Variants in TEKT5 observed in about 807,000 individuals in gnomAD.
TEKT5 encodes tektin 5.
A neutral mutation model predicts 48.7 loss-of-function variants in TEKT5; 52 were observed. The ratio of observed to expected loss-of-function variants is 1.07; its 90% CI spans 0.86 to 1.35. The LOEUF (loss-of-function observed/expected upper bound fraction) is 1.35, where lower values mean the gene tolerates loss of function less well. TEKT5 is among the 40% of genes most tolerant of loss of function. The probability of loss-of-function intolerance (pLI) is 0.00; values close to 1 mark genes in which losing one functional copy is unlikely to be tolerated. For missense variants in TEKT5, 831 were observed against 641.6 expected (o/e 1.30, Z -3.19); for synonymous variants, 318 against 267.6 (o/e 1.19, Z -1.84).
intron 5 of TEKT5, among the ~76,000 whole-genome samples, chr16:10,665,039 C>T (rs987203876): frequency 3.2e-4 from 48 of 152,164 alleles, no homozygotes; most frequent in Admixed American, 2.9e-3. Context: ...ATGAGCCCAG[C>T]ACTCTGCAAT....
intron 5 of TEKT5, among the ~76,000 whole-genome samples, chr16:10,645,139 T>TCC (rs1898051371): frequency 6.6e-6 from 1 of 152,100 alleles, no homozygotes; most frequent in Non-Finnish European, 1.5e-5. Context: ...TAGCCTATGG[T>TCC]GGTACTTGGT....
intron 5 of TEKT5, among the ~76,000 whole-genome samples, chr16:10,674,505 C>T (rs79225660): frequency 0.049 from 7,458 of 150,692 alleles, 257 homozygotes; most frequent in Middle Eastern, 0.096. Flanking sequence ...TGTGGTGGCA[C>T]GCACACGTAG....
In TEKT5 at chr16:10,645,297, C is replaced by T. The variant is rs552280067; in HGVS notation, c.1087-9379G>A. Among the ~76,000 whole-genome samples, 14 of 152,172 alleles carry T rather than the reference C, an allele frequency of 9.2e-5. No individual in the cohort carries two copies. The South Asian group carries it at 2.7e-3, about 29-fold the overall frequency. On this transcript the variant is annotated intron_variant, in intron 5 of 6. Transcript: ENST00000283025. The stretch of plus-strand genomic sequence containing the variant: ...GGCTGAGGTGGGAGGATTGCTTGAG[C>T]CCAGGAGTTCGAGACCAGCCTGGGC...
intron 5 of TEKT5, among the ~76,000 whole-genome samples, chr16:10,650,307 G>C (rs1275903425): frequency 6.6e-6 from 1 of 151,800 alleles, no homozygotes; most frequent in Non-Finnish European, 1.5e-5. Flanking sequence ...CACCATGTTG[G>C]CCAAGCAGGT....
At chr16:10,679,509 C>T (rs1298075695) in intron 4 of TEKT5, among the ~76,000 whole-genome samples, 1 of 151,530 alleles carries the variant, frequency 6.6e-6, no homozygotes, top group Non-Finnish European at 1.5e-5. Context: ...ATTGTTAATC[C>T]ATGGTAATGA....
chr16:10,628,456 G>A (rs973885599), intron 6 of TEKT5, among the ~76,000 whole-genome samples: 5 of 152,156 alleles, frequency 3.3e-5, no homozygotes, highest in East Asian at 1.9e-4. Context: ...GAAAACAGGC[G>A]TTCAAACCAA....
chr16:10,676,667 C>A, intron 4 of TEKT5, among the ~76,000 whole-genome samples: 1 of 152,166 alleles, frequency 6.6e-6, no homozygotes, highest in South Asian at 2.1e-4. Context: ...GTCCCTGAAC[C>A]CCCTAACTCT....
intron 4 of TEKT5, among the ~76,000 whole-genome samples, chr16:10,681,727 C>G (rs1898755340): frequency 6.6e-6 from 1 of 152,032 alleles, no homozygotes; most frequent in Non-Finnish European, 1.5e-5. Flanking sequence ...TGAAGGCGCT[C>G]TGACCACACA....
intron 6 of TEKT5, 74 bp from the exon 7 acceptor site, chr16:10,627,873 C>T: frequency 2.2e-6 from 3 of 1,367,368 alleles, no homozygotes; most frequent in Non-Finnish European, 3.0e-6. Context: ...GACAGAGTCT[C>T]ACTCTGTCAC....
intron 6 of TEKT5, among the ~76,000 whole-genome samples, chr16:10,628,113 C>T (rs764688484): frequency 2.6e-5 from 4 of 152,138 alleles, no homozygotes; most frequent in Admixed American, 6.5e-5. Flanking sequence ...CCCAAAGTGC[C>T]GGGATTACAA....
intron 5 of TEKT5, among the ~76,000 whole-genome samples, chr16:10,652,333 G>C (rs1365881145): frequency 1.3e-5 from 2 of 151,854 alleles, no homozygotes; most frequent in East Asian, 1.9e-4. Flanking sequence ...AATGCCAAAG[G>C]AAAGTCCTGC....
chr16:10,681,650 C>G (rs1290217254), intron 4 of TEKT5, among the ~76,000 whole-genome samples: 2 of 151,250 alleles, frequency 1.3e-5, no homozygotes, highest in African/African-American at 4.9e-5. Flanking sequence ...GCGACCCTCA[C>G]TAAGCCAATG....
At chr16:10,629,827 C>T (rs898406766) in intron 6 of TEKT5, among the ~76,000 whole-genome samples, 8 of 152,256 alleles carry the variant, frequency 5.3e-5, no homozygotes, top group Admixed American at 1.3e-4. Context: ...TGATGCACTT[C>T]AAGGTCTGGC....
chr16:10,656,092 T>G (rs1296886156), intron 5 of TEKT5, among the ~76,000 whole-genome samples: 1 of 152,132 alleles, frequency 6.6e-6, no homozygotes, highest in Admixed American at 6.5e-5. Flanking sequence ...GACCGTCCTG[T>G]GCATTGAAGG....
chr16:10,688,530 C>T (rs1898905747), intron 3 of TEKT5, among the ~76,000 whole-genome samples: 1 of 152,188 alleles, frequency 6.6e-6, no homozygotes, highest in South Asian at 2.1e-4. Context: ...CTTTCTGTGT[C>T]TCTGTGTCAA....
chr16:10,673,280 A>T (rs1376508556), intron 5 of TEKT5, among the ~76,000 whole-genome samples: 1 of 152,192 alleles, frequency 6.6e-6, no homozygotes, highest in African/African-American at 2.4e-5. Flanking sequence ...CTGTGGACCA[A>T]ATCCAGCCCA....
chr16:10,692,188 T>C (rs561461049), intron 1 of TEKT5, among the ~76,000 whole-genome samples: 1 of 152,092 alleles, frequency 6.6e-6, no homozygotes, highest in Non-Finnish European at 1.5e-5. Context: ...AGCTGGACTT[T>C]CCAGACAGGA....
chr16:10,690,181 G>A, intron 1 of TEKT5, 156 bp from the exon 2 acceptor site: 1 of 677,818 alleles, frequency 1.5e-6, no homozygotes, highest in Non-Finnish European at 2.5e-6. Context: ...ATGGGCTTCT[G>A]CCTCCCCTTC....
rs143897517 is a variant in TEKT5, at chr16:10,681,702, G to T, written c.863+291C>A. 2.5e-3 allele frequency among the ~76,000 whole-genome samples: 380 copies of T among 152,104 alleles called. 1 individual carries two copies. The highest frequency in any genetic ancestry group is 3.6e-3 in the Non-Finnish European group (242 of 67,998). ...TGAAATTTGGATCTTGAATGGTGGG[G>T]CAAGGATGGAAAGATGAAGGCGCTC... On this transcript the variant is annotated intron_variant, in intron 4 of 6. Transcript: ENST00000283025.
Sources: gnomAD v4.1 joint callset for allele counts (sites outside exome capture counted in the v4.1 genomes callset) on GRCh38, gnomAD v4.1.1 for gene constraint, MANE v1.5 for transcripts, NCBI Gene and HGNC (gene_info 2026-07-23, HGNC 2026-07-21) for gene names.